The following NME9 variants were observed in gnomAD, a reference collection of about 807,000 sequenced individuals.
The protein encoded by NME9 is thioredoxin domain-containing protein 6.
In NME9, 48 loss-of-function variants were observed where a neutral mutation model predicts 44.4. That is an observed-to-expected ratio of 1.08 (90% CI 0.86 to 1.37). NME9 has a LOEUF of 1.37. Ranked by LOEUF, NME9 falls within the 40% of genes most tolerant of loss-of-function variation. The probability of loss-of-function intolerance (pLI) is 0.00; values close to 1 mark genes in which losing one functional copy is unlikely to be tolerated. For missense variants in NME9, 325 were observed against 405.2 expected (o/e 0.80, Z 1.70); for synonymous variants, 139 against 147.1 (o/e 0.94, Z 0.40).
At chr3:138,307,937 G>C (rs2052396857) in intron 6 of NME9, among the ~76,000 whole-genome samples, 1 of 152,200 alleles carries the variant, frequency 6.6e-6, no homozygotes, top group Non-Finnish European at 1.5e-5. Context: ...ACCATTTCAG[G>C]GAGTAGTGAG....
chr3:138,313,274 C>A (rs993688762), intron 6 of NME9, among the ~76,000 whole-genome samples: 1 of 152,026 alleles, frequency 6.6e-6, no homozygotes, highest in African/African-American at 2.4e-5. Flanking sequence ...GCTTGTAATC[C>A]CAGCTACTCA....
intron 8 of NME9, among the ~76,000 whole-genome samples, chr3:138,281,624 C>T (rs1029437403): frequency 2.0e-5 from 3 of 152,062 alleles, no homozygotes; most frequent in African/African-American, 7.2e-5. Context: ...TGCTTGTCTC[C>T]ATAGGAATAT....
chr3:138,311,615 A>G (rs1268400130), intron 6 of NME9, among the ~76,000 whole-genome samples: 1 of 152,278 alleles, frequency 6.6e-6, no homozygotes, highest in East Asian at 1.9e-4. Context: ...TCATCAAATC[A>G]TTAACAGAAC....
rs1276836449 is a variant in NME9 at position 138,301,274 on chromosome 3, G to A, written c.*366C>T. ...GGCTGGAGTGCAGTGGCATGATCTC[G>A]GCTTACTGCAACCTTCACCTCCCGG... On this transcript the variant is annotated 3_prime_UTR_variant, in exon 11 of 11. Coordinates refer to ENST00000333911, the MANE Select transcript of NME9 (RefSeq NM_001349018.2). 3.3e-5 allele frequency: 13 copies of A among 393,176 alleles called. No homozygotes were observed. Among genetic ancestry groups the A allele is most frequent in the Non-Finnish European group, 4.3e-5 (12 of 279,258 alleles). The allele number at this position is 393,176 out of a possible 1,614,324, so 24.4% of individuals were successfully genotyped here. A position where few individuals can be genotyped will look rare whatever the true frequency, so the allele number is the denominator to read the frequency against.
At chr3:138,293,258 T>C (rs989030675) in intron 8 of NME9, among the ~76,000 whole-genome samples, 45 of 152,194 alleles carry the variant, frequency 3.0e-4, no homozygotes, top group African/African-American at 1.0e-3. Flanking sequence ...GAAGAATAAC[T>C]AGGCTGGGCG....
At chr3:138,266,807 G>A (rs919227668) in intron 8 of NME9, among the ~76,000 whole-genome samples, 4 of 152,042 alleles carry the variant, frequency 2.6e-5, no homozygotes, top group African/African-American at 9.7e-5. Flanking sequence ...ACTCATAAGG[G>A]GCTTGACTGA....
chr3:138,262,865 A>C (rs1338371992), intron 8 of NME9, among the ~76,000 whole-genome samples: 1 of 152,228 alleles, frequency 6.6e-6, no homozygotes, highest in Non-Finnish European at 1.5e-5. Context: ...GTGGCTGAGC[A>C]TATAGACTCT....
chr3:138,285,581 T>C (rs1033775434), intron 8 of NME9, among the ~76,000 whole-genome samples: 2 of 152,230 alleles, frequency 1.3e-5, no homozygotes, highest in African/African-American at 4.8e-5. Flanking sequence ...TTATACTTTC[T>C]TACTGGACTC....
intron 8 of NME9, among the ~76,000 whole-genome samples, chr3:138,274,097 C>T (rs1367368344): frequency 2.6e-5 from 4 of 152,098 alleles, no homozygotes; most frequent in Non-Finnish European, 4.4e-5. Context: ...GGATTACAGG[C>T]GTGAGCGTAC....
At position 138,322,960 on chromosome 3, in the gene NME9, G is replaced by C. The variant is rs567238102; in HGVS notation, c.91+1913C>G. Among the ~76,000 whole-genome samples the C allele has an allele frequency of 1.5e-3, 232 of 152,306 alleles. 1 individual carries two copies. The highest frequency in any genetic ancestry group is 2.9e-3 in the Non-Finnish European group (200 of 68,024). The stretch of plus-strand genomic sequence containing the variant: ...AGCCATGTTCCAGTTGCCCAGACAA[G>C]ACACATGGACAAAATGGTTAAGCCT... On this transcript the variant is annotated intron_variant, in intron 2 of 10. Coordinates refer to ENST00000333911, the MANE Select transcript of NME9 (RefSeq NM_001349018.2).
chr3:138,303,716 T>A, intron 9 of NME9, 73 bp from the exon 10 acceptor site: 1 of 1,425,852 alleles, frequency 7.0e-7, no homozygotes, highest in South Asian at 1.2e-5. Flanking sequence ...TCTGGCAACA[T>A]GATCACCGAC....
intron 8 of NME9, among the ~76,000 whole-genome samples, chr3:138,286,893 T>C (rs1484796000): frequency 1.3e-5 from 2 of 152,240 alleles, no homozygotes; most frequent in East Asian, 3.8e-4. Context: ...TCCATGTGGC[T>C]GTCTGATAGC....
intron 10 of NME9, among the ~76,000 whole-genome samples, chr3:138,302,135 A>G (rs2051891158): frequency 6.6e-6 from 1 of 152,066 alleles, no homozygotes; most frequent in Admixed American, 6.5e-5. Context: ...GCCTTTTTTT[A>G]GCAGGAATAG....
chr3:138,295,980 A>C, intron 8 of NME9: 1 of 1,447,768 alleles, frequency 6.9e-7, no homozygotes, highest in Non-Finnish European at 9.5e-7. Context: ...TTCTATTTGC[A>C]CAAGTCACCT....
At chr3:138,311,640 A>G (rs2052709419) in intron 6 of NME9, among the ~76,000 whole-genome samples, 1 of 152,230 alleles carries the variant, frequency 6.6e-6, no homozygotes, top group South Asian at 2.1e-4. Context: ...AACAAAAACC[A>G]TATAATCATT....
intron 8 of NME9, among the ~76,000 whole-genome samples, chr3:138,266,430 A>C (rs201670508): frequency 6.6e-6 from 1 of 152,166 alleles, no homozygotes; most frequent in East Asian, 1.9e-4. Flanking sequence ...ACATTTCTGG[A>C]TTTTTATAGT....
At chr3:138,262,281 C>G in exon 9 of NME9, 2 of 422,880 alleles carry the variant, frequency 4.7e-6, no homozygotes. Context: ...AGTGATTGTG[C>G]ATATCAGTAA....
At chr3:138,307,919 C>T (rs913566311) in intron 6 of NME9, among the ~76,000 whole-genome samples, 12 of 152,190 alleles carry the variant, frequency 7.9e-5, no homozygotes, top group African/African-American at 2.7e-4. Context: ...TTGGTGCCAC[C>T]AATGAGCACC....
In NME9 at chr3:138,329,814, A is replaced by T; in HGVS notation, c.-479T>A. ...GATCTTCGACGCGCCCGGAGTCACC[A>T]ACCGAGTCTGCCGCGACCTAGCCGC... On this transcript the variant is annotated 5_prime_UTR_variant, in exon 1 of 11. It introduces an in-frame stop codon into an upstream open reading frame of the 5' UTR. Coordinates refer to ENST00000333911, the MANE Select transcript of NME9 (RefSeq NM_001349018.2). The T allele has an allele frequency of 3.0e-6, 3 of 986,688 alleles. No homozygotes were observed. Among genetic ancestry groups the T allele is most frequent in the Non-Finnish European group, 3.6e-6 (3 of 830,802 alleles). The allele number at this position is 986,688 out of a possible 1,614,324, so 61.1% of individuals were successfully genotyped here. A position where few individuals can be genotyped will look rare whatever the true frequency, so the allele number is the denominator to read the frequency against.
Sources: gnomAD v4.1 joint callset for allele counts (sites outside exome capture counted in the v4.1 genomes callset) on GRCh38, gnomAD v4.1.1 for gene constraint, MANE v1.5 for transcripts, NCBI Gene and HGNC (gene_info 2026-07-23, HGNC 2026-07-21) for gene names.